Variants in SPI1 observed in about 807,000 individuals in gnomAD.
SPI1 encodes the protein transcription factor PU.1.
In SPI1, 3 loss-of-function variants were observed where a neutral mutation model predicts 30.7. That is an observed-to-expected ratio of 0.10 (90% CI 0.04 to 0.25). SPI1 has a LOEUF of 0.25. Among genes scored for constraint, SPI1 ranks in the 10% least tolerant of loss-of-function variants. The probability of loss-of-function intolerance (pLI) is 1.00; values close to 1 mark genes in which losing one functional copy is unlikely to be tolerated. For synonymous variants in SPI1, 169 were observed against 157.1 expected (o/e 1.08, Z -0.56); for missense variants, 261 against 371.5 (o/e 0.70, Z 2.45).
chr11:47,355,047 G>C lies in SPI1; in HGVS notation c.*180C>G. On this transcript the variant is annotated 3_prime_UTR_variant, in exon 5 of 5. Transcript: ENST00000378538. ...GGGAGCCGGGGTGGAGTCCTGGAGGGAGGCGAAGCGGGATGTGGAGGGGGC... is the reference window on the plus strand; with the variant it reads ...GGGAGCCGGGGTGGAGTCCTGGAGGCAGGCGAAGCGGGATGTGGAGGGGGC... 1 of 398,940 alleles carries C rather than the reference G, an allele frequency of 2.5e-6. No homozygotes were observed. Among genetic ancestry groups the C allele is most frequent in the Non-Finnish European group, 4.1e-6 (1 of 241,354 alleles). 24.7% of individuals were successfully genotyped at this position (398,940 alleles called of 1,614,324 possible).
At chr11:47,356,825 TCA>T (rs1318980258) in intron 4 of SPI1, among the ~76,000 whole-genome samples, 4 of 145,156 alleles carry the variant, frequency 2.8e-5, no homozygotes, top group South Asian at 2.2e-4. Context: ...TACACACATC[TCA>T]CGTTACTCAG....
In SPI1 at chr11:47,375,567, C is replaced by G. The variant is rs1375747195; in HGVS notation, c.142+66G>C. On this transcript the variant is annotated intron_variant, in intron 2 of 4. Coordinates refer to ENST00000378538, the MANE Select transcript of SPI1 (RefSeq NM_003120.3). This position sits in a 1 kb window ranked among gnomAD's most constrained non-coding sequence, Gnocchi z 4.2. ...GTCCTGGGAATCATTTATTCTTTTT[C>G]TCTCTCCAGACCCCAGGAGCCCAGG... 1.6e-6 allele frequency: 2 copies of G among 1,222,692 alleles called. No homozygotes were observed. The highest frequency in any genetic ancestry group is 1.5e-5 in the African/African-American group (1 of 66,276). The allele number at this position is 1,222,692 out of a possible 1,614,324, so 75.7% of individuals were successfully genotyped here. A position where few individuals can be genotyped will look rare whatever the true frequency, so the allele number is the denominator to read the frequency against.
intron 4 of SPI1, among the ~76,000 whole-genome samples, chr11:47,356,077 A>T (rs555009171): frequency 6.6e-6 from 1 of 151,274 alleles, no homozygotes; most frequent in South Asian, 2.1e-4. Flanking sequence ...CCACATGCTC[A>T]CACACATGCT....
rs977541361 is a variant in SPI1, at chr11:47,375,290, C to T, written c.142+343G>A. ...AGAAAAAAAAGCACAGGACCTGGAGCGGACAGACCTGGGTTCCACCCAGCA... is the reference window on the plus strand; with the variant it reads ...AGAAAAAAAAGCACAGGACCTGGAGTGGACAGACCTGGGTTCCACCCAGCA... On this transcript the variant is annotated intron_variant, in intron 2 of 4. Transcript: ENST00000378538. The surrounding 1 kb of genome is among the most constrained non-coding windows in gnomAD (Gnocchi z 4.2). 2.0e-5 allele frequency among the ~76,000 whole-genome samples: 3 copies of T among 152,190 alleles called. No individual in the cohort carries two copies. The highest frequency in any genetic ancestry group is 2.9e-5 in the Non-Finnish European group (2 of 68,010).
intron 2 of SPI1, among the ~76,000 whole-genome samples, chr11:47,363,796 C>T (rs1431995643): frequency 6.6e-6 from 1 of 151,224 alleles, no homozygotes; most frequent in Non-Finnish European, 1.5e-5. Flanking sequence ...AACCCCGTCT[C>T]TACAAAAATA....
intron 4 of SPI1, among the ~76,000 whole-genome samples, chr11:47,355,770 A>C (rs2095907446): frequency 6.1e-5 from 7 of 114,364 alleles, no homozygotes; most frequent in South Asian, 3.1e-4. Flanking sequence ...ACACCCACGC[A>C]CTCACCCCCC....
intron 2 of SPI1, among the ~76,000 whole-genome samples, chr11:47,364,254 G>T (rs996590818): frequency 1.3e-5 from 2 of 151,898 alleles, no homozygotes; most frequent in African/African-American, 4.8e-5. Context: ...TTTTCACTGT[G>T]TTAGCCAGGA....
At position 47,360,138 on chromosome 11, in the gene SPI1, G is replaced by A. The variant is rs1595857616; in HGVS notation, c.143-98C>T. The A allele has an allele frequency of 2.3e-5, 25 of 1,094,654 alleles. No individual in the cohort carries two copies. In the East Asian group the frequency reaches 6.7e-4, roughly 29 times the overall value. 67.8% of individuals were successfully genotyped at this position (1,094,654 alleles called of 1,614,324 possible). On this transcript the variant is annotated intron_variant, in intron 2 of 4. Coordinates refer to ENST00000378538, the MANE Select transcript of SPI1 (RefSeq NM_003120.3). ...AAATAATACTGCCAGGCCATATGGG[G>A]CCTAACCATCTCGTTTAACCCTCGC...
chr11:47,375,235 A>C lies in SPI1; in HGVS notation c.142+398T>G, dbSNP rs2095940722. On this transcript the variant is annotated intron_variant, in intron 2 of 4. Transcript: ENST00000378538. This position sits in a 1 kb window ranked among gnomAD's most constrained non-coding sequence, Gnocchi z 4.2. ...TTGGGACAGAGAGTGACGAGAACAG[A>C]GAGGAGGAGGTGGGTAGTTAGGCAG... is the stretch of plus-strand genomic sequence containing the variant. Among the ~76,000 whole-genome samples, 1 of 152,120 alleles carries C rather than the reference A, an allele frequency of 6.6e-6. No homozygotes were observed. Among genetic ancestry groups the C allele is most frequent in the Non-Finnish European group, 1.5e-5 (1 of 68,030 alleles).
At chr11:47,368,034 T>C (rs1595861067) in intron 2 of SPI1, among the ~76,000 whole-genome samples, 1 of 152,110 alleles carries the variant, frequency 6.6e-6, no homozygotes, top group South Asian at 2.1e-4. Context: ...ATTACAGGCA[T>C]GAGCCACTGT....
intron 2 of SPI1, among the ~76,000 whole-genome samples, chr11:47,360,934 A>C (rs951482100): frequency 2.0e-5 from 3 of 151,690 alleles, no homozygotes; most frequent in Non-Finnish European, 2.9e-5. Context: ...ATCCTGGCTA[A>C]CACAGTGAAA....
rs150932236 is a variant in SPI1 at position 47,355,323 on chromosome 11, G to C, written c.717C>G (p.Gly239=). The C allele has an allele frequency of 6.2e-7, 1 of 1,611,958 alleles. No homozygotes were observed. Among genetic ancestry groups the C allele is most frequent in the East Asian group, 2.2e-5 (1 of 44,760 alleles). Residue 239 remains glycine (G), a synonymous_variant, in exon 5 of 5, where the codon GGC becomes GGG. Coordinates refer to ENST00000378538, the MANE Select transcript of SPI1 (RefSeq NM_003120.3). The part of the protein sequence containing the change: ...ARALRNYGKT[G]EVKKVKKKLT... ...GCTTCTTCTTCACCTTCTTGACCTC[G>C]CCCGTCTTGCCGTAGTTGCGCAGCG... is the stretch of plus-strand genomic sequence containing the variant.
At chr11:47,355,624 G>C in intron 4 of SPI1, 78 bp from the exon 5 acceptor site, 1 of 1,300,914 alleles carries the variant, frequency 7.7e-7, no homozygotes, top group Non-Finnish European at 1.0e-6. Context: ...GTACGCACAG[G>C]GGCCCGGGGA....
chr11:47,370,502 G>A (rs2095934254), intron 2 of SPI1, among the ~76,000 whole-genome samples: 2 of 151,508 alleles, frequency 1.3e-5, no homozygotes, highest in East Asian at 3.9e-4. Context: ...AGGAGTTCAA[G>A]ACTAGCCTGG....
Position 47,378,452 on chromosome 11 carries a change from G to T in SPI1, c.-99C>A. The T allele has an allele frequency of 7.3e-7, 1 of 1,362,316 alleles. No individual in the cohort carries two copies. Among genetic ancestry groups the T allele is most frequent in the Non-Finnish European group, 1.0e-6 (1 of 978,782 alleles). The allele number at this position is 1,362,316 out of a possible 1,614,324, so 84.4% of individuals were successfully genotyped here. The stretch of plus-strand genomic sequence containing the variant: ...CCCGTCAGGGGCTGGACGGTCGTGG[G>T]GCGGGTGCAGGGCTCAGGCCTGCCC... On this transcript the variant is annotated 5_prime_UTR_variant, in exon 1 of 5. Coordinates refer to ENST00000378538, the MANE Select transcript of SPI1 (RefSeq NM_003120.3).
intron 4 of SPI1, among the ~76,000 whole-genome samples, chr11:47,355,961 ACTCACT>A (rs1325521036): frequency 1.6e-5 from 1 of 63,722 alleles, no homozygotes; most frequent in Non-Finnish European, 2.9e-5. Context: ...CAATGCAACC[ACTCACT>A]CATGCTCACA....
Position 47,359,337 on chromosome 11 carries a change from A to G in SPI1, c.331-331T>C, listed in dbSNP as rs1359015330. Among the ~76,000 whole-genome samples the G allele has an allele frequency of 3.9e-5, 6 of 152,090 alleles. No homozygotes were observed. Among genetic ancestry groups the G allele is most frequent in the Admixed American group, 3.9e-4 (6 of 15,282 alleles). ...GGACCCGCATTAGGCTGGGGTCAGA[A>G]GAGGGCATGCTAGGGACCGGTGCGT... On this transcript the variant is annotated intron_variant, in intron 3 of 4. Transcript: ENST00000378538. The surrounding 1 kb of genome is among the most constrained non-coding windows in gnomAD (Gnocchi z 5.1).
At chr11:47,367,985 C>T (rs963806808) in intron 2 of SPI1, among the ~76,000 whole-genome samples, 99 of 151,958 alleles carry the variant, frequency 6.5e-4, no homozygotes, top group African/African-American at 2.2e-3. Context: ...AATCTCTTGA[C>T]CTTGTGATCC....
At position 47,355,140 on chromosome 11, in the gene SPI1, G is replaced by A. The variant is rs2095906062; in HGVS notation, c.*87C>T. The A allele has an allele frequency of 1.8e-6, 2 of 1,102,032 alleles. No individual in the cohort carries two copies. The highest frequency in any genetic ancestry group is 3.3e-5 in the African/African-American group (2 of 60,304). The allele number at this position is 1,102,032 out of a possible 1,614,324, so 68.3% of individuals were successfully genotyped here. A position where few individuals can be genotyped will look rare whatever the true frequency, so the allele number is the denominator to read the frequency against. On this transcript the variant is annotated 3_prime_UTR_variant, in exon 5 of 5. Transcript: ENST00000378538. ...CCACAGTCCTGCCTCTGGGCCCCGG[G>A]AGCGTCCTCCCTGTGTCCGGGCCGG...
Sources: gnomAD v4.1 joint callset for allele counts (sites outside exome capture counted in the v4.1 genomes callset) on GRCh38, gnomAD v4.1.1 for gene constraint, Gnocchi (gnomAD v3.1) non-coding constraint, MANE v1.5 for transcripts, NCBI Gene and HGNC (gene_info 2026-07-23, HGNC 2026-07-21) for gene names.